The following MINK1 variants were observed in gnomAD, a reference collection of about 807,000 sequenced individuals.
MINK1 encodes the protein misshapen like kinase 1, also known as misshapen-like kinase 1.
Under a neutral mutation model 178.4 loss-of-function variants are expected in MINK1, and 46 were observed. That is an observed-to-expected ratio of 0.26 (90% CI 0.20 to 0.33). The LOEUF (loss-of-function observed/expected upper bound fraction) is 0.33. Among genes scored for constraint, MINK1 ranks in the 10% least tolerant of loss-of-function variants. The pLI, the probability that MINK1 is intolerant of heterozygous loss-of-function variation, is 1.00. For missense variants in MINK1, 1,366 were observed against 1,814.9 expected, an observed-to-expected ratio of 0.75 and a Z score of 4.49; for synonymous variants, 797 against 709.7, an observed-to-expected ratio of 1.12 and a Z score of -1.96.
chr17:4,881,223 A>G lies in MINK1; in HGVS notation c.272A>G (p.Lys91Arg). The change falls in exon 4 of 32, where the codon AAG becomes AGG. Residue 91 changes from lysine (K) to arginine (R), a missense_variant. By Grantham distance (26) the Lys-to-Arg change is conservative. Transcript: ENST00000355280. ...GCCACCTACTACGGAGCCTTCATCA[A>G]GAAGAGCCCCCCGGGAAACGATGAC... The part of the protein sequence containing the change: ...NIATYYGAFI[K>R]KSPPGNDDQL... 4 of 1,537,226 alleles carry G rather than the reference A, an allele frequency of 2.6e-6. No individual in the cohort carries two copies. The highest frequency in any genetic ancestry group is 1.2e-5 in the South Asian group (1 of 84,054).
At position 4,890,458 on chromosome 17, in the gene MINK1, C is replaced by T. The variant is rs576747038; in HGVS notation, c.1348-59C>T. 8 of 1,533,350 alleles carry T rather than the reference C, an allele frequency of 5.2e-6. No homozygotes were observed. The African/African-American group carries it at 1.1e-4, about 21-fold the overall frequency. The allele number at this position is 1,533,350 out of a possible 1,614,324, so 95.0% of individuals were successfully genotyped here. On this transcript the variant is annotated intron_variant, in intron 13 of 31. Transcript: ENST00000355280. ...CAGTTGGAGAAAAGAGAGGGCATGC[C>T]TGCTCTAACTCCCAGGGCCACACCC...
chr17:4,895,796 GT>G lies in MINK1; in HGVS notation c.3329del (p.Val1110GlyfsTer13). The G allele has an allele frequency of 6.2e-7, 1 of 1,613,780 alleles. No homozygotes were observed. Among genetic ancestry groups the G allele is most frequent in the Non-Finnish European group, 8.5e-7 (1 of 1,179,812 alleles). On this transcript the variant is annotated frameshift_variant, in exon 27 of 32. Coordinates refer to ENST00000355280, the MANE Select transcript of MINK1 (RefSeq NM_153827.5). LOFTEE classifies it high-confidence loss of function. The surrounding 1 kb of genome is among the most constrained non-coding windows in gnomAD (Gnocchi z 4.3). ...EVEKKQGWTT[V>X]GDMEGCGHYR... ...GGAGAAGAAGCAGGGCTGGACCACC[GT>G]GGGGGACATGGAGGGCTGCGGGCAC...
rs750479944 is a variant in MINK1 at position 4,895,950 on chromosome 17, G to A, written c.3365-53G>A. On this transcript the variant is annotated intron_variant, in intron 27 of 31. Transcript: ENST00000355280. The surrounding 1 kb of genome is among the most constrained non-coding windows in gnomAD (Gnocchi z 4.3). ...GTGTAGTGACAGACCACGGGGAGGC[G>A]CCCGTGGCGCAAGAAGGGAAGTCTC... 1.0e-4 allele frequency: 164 copies of A among 1,565,682 alleles called. No homozygotes were observed. The highest frequency in any genetic ancestry group is 1.5e-4 in the African/African-American group (11 of 73,608).
At chr17:4,859,730 G>A (rs953031633) in intron 1 of MINK1, among the ~76,000 whole-genome samples, 1 of 132,408 alleles carries the variant, frequency 7.6e-6, no homozygotes, top group Non-Finnish European at 1.6e-5. Flanking sequence ...GGAGGTTGCA[G>A]TGAGCCTAGA....
At chr17:4,878,096 C>T (rs1197254813) in intron 1 of MINK1, among the ~76,000 whole-genome samples, 1 of 152,172 alleles carries the variant, frequency 6.6e-6, no homozygotes, top group Non-Finnish European at 1.5e-5. Flanking sequence ...AGGCGTGAGC[C>T]ACCGTGCCCG....
intron 15 of MINK1, 98 bp downstream of exon 15, chr17:4,891,222 A>ACACACG (rs1399187641): frequency 3.6e-5 from 37 of 1,018,834 alleles, no homozygotes; most frequent in Non-Finnish European, 5.1e-5. Context: ...ACACACACAC[A>ACACACG]CACCTGCTCA....
At chr17:4,850,216 C>CA (rs1420059806) in intron 1 of MINK1, among the ~76,000 whole-genome samples, 1 of 152,166 alleles carries the variant, frequency 6.6e-6, no homozygotes, top group African/African-American at 2.4e-5. Flanking sequence ...AGCTGACACT[C>CA]AGTGTTTGTT....
chr17:4,855,379 A>G lies in MINK1; in HGVS notation c.57+21739A>G, dbSNP rs1247136530. Among the ~76,000 whole-genome samples, 7 of 149,454 alleles carry G rather than the reference A, an allele frequency of 4.7e-5. No homozygotes were observed. The East Asian group carries it at 1.4e-3, about 30-fold the overall frequency. ...CGGGCGCCTGTAGTCCCAGCTACTC[A>G]GGAGGCTGAGGCAGGAGAATGGCGT... is the stretch of plus-strand genomic sequence containing the variant. On this transcript the variant is annotated intron_variant, in intron 1 of 31. Transcript: ENST00000355280.
intron 1 of MINK1, chr17:4,850,852 AGT>A: frequency 3.2e-6 from 1 of 314,632 alleles, no homozygotes; most frequent in South Asian, 2.4e-5. Context: ...CCTCATTACT[AGT>A]GTTGTCCTCC....
At chr17:4,877,660 C>G (rs1258828349) in intron 1 of MINK1, among the ~76,000 whole-genome samples, 1 of 151,448 alleles carries the variant, frequency 6.6e-6, no homozygotes, top group East Asian at 2.0e-4. Context: ...CATTTCTTCA[C>G]TTAAAATGTG....
Position 4,892,259 on chromosome 17 carries a change from T to C in MINK1, c.2087+25T>C, listed in dbSNP as rs769198219. 29 of 1,550,090 alleles carry C rather than the reference T, an allele frequency of 1.9e-5. No homozygotes were observed. The South Asian group carries it at 3.4e-4, about 18-fold the overall frequency. On this transcript the variant is annotated intron_variant, in intron 17 of 31. Coordinates refer to ENST00000355280, the MANE Select transcript of MINK1 (RefSeq NM_153827.5). ...GGTAATGCCTGGGTAGGGCAACGCCTGGGTGAGGTCTGAGGGCAGCCTAGG... is the reference window on the plus strand; with the variant it reads ...GGTAATGCCTGGGTAGGGCAACGCCCGGGTGAGGTCTGAGGGCAGCCTAGG...
chr17:4,897,122 C>A (rs952239621), intron 31 of MINK1, 82 bp from the exon 32 acceptor site: 2 of 1,187,952 alleles, frequency 1.7e-6, no homozygotes, highest in East Asian at 5.0e-5. Context: ...TTCTGCCACC[C>A]CTTCTTCCCT....
chr17:4,863,115 G>A (rs1007929953), intron 1 of MINK1, among the ~76,000 whole-genome samples: 1 of 152,210 alleles, frequency 6.6e-6, no homozygotes, highest in Non-Finnish European at 1.5e-5. Context: ...AATCTTGTTC[G>A]AACCTAGGCA....
Position 4,892,484 on chromosome 17 carries a change from C to T in MINK1, c.2170C>T (p.Gln724Ter), listed in dbSNP as rs1310263090. The change falls in exon 18 of 32, where the codon CAG (glutamine) becomes TAG (stop). Residue 724 changes from glutamine (Q) to a stop codon, truncating the protein, a stop_gained. Transcript: ENST00000355280. LOFTEE classifies it high-confidence loss of function. Reference sequence around the variant, plus strand: ...CCCAAAGCCTCCAGGGCCCCCTGCTCAGCCCCCTGGCCCGCCCAACGCCTC... The same window carrying T: ...CCCAAAGCCTCCAGGGCCCCCTGCTTAGCCCCCTGGCCCGCCCAACGCCTC... ...GTPKPPGPPAQPPGPPNASSN... is the reference protein window; with the variant it reads ...GTPKPPGPPA 1 of 1,563,596 alleles carries T rather than the reference C, an allele frequency of 6.4e-7. No individual in the cohort carries two copies. The highest frequency in any genetic ancestry group is 8.7e-7 in the Non-Finnish European group (1 of 1,154,616).
chr17:4,891,682 C>T lies in MINK1; in HGVS notation c.1967C>T (p.Ala656Val). ...CCTGGCCCCAGCCCGAATCCCCCAG[C>T]CTGGGTCCGCCCAGATAACGAGGCC... ...EGPGPSPNPP[A>V]WVRPDNEAPP... The change falls in exon 16 of 32, where the codon GCC (alanine) becomes GTC (valine). Residue 656 changes from alanine (A) to valine (V), a missense_variant. Coordinates refer to ENST00000355280, the MANE Select transcript of MINK1 (RefSeq NM_153827.5). 1.2e-6 allele frequency: 2 copies of T among 1,602,162 alleles called. No individual in the cohort carries two copies. The highest frequency in any genetic ancestry group is 1.1e-5 in the South Asian group (1 of 89,128).
At chr17:4,859,275 T>A (rs1913719603) in intron 1 of MINK1, 1 of 985,334 alleles carries the variant, frequency 1.0e-6, no homozygotes, top group African/African-American at 1.7e-5. Flanking sequence ...GAATGCTTAA[T>A]GGACCTTTCC....
intron 1 of MINK1, among the ~76,000 whole-genome samples, chr17:4,841,644 A>G (rs1214868618): frequency 6.6e-6 from 1 of 151,480 alleles, no homozygotes; most frequent in Non-Finnish European, 1.5e-5. Flanking sequence ...TGTTTTTCCT[A>G]CCACTTCCTT....
chr17:4,851,245 A>G (rs773553482), intron 1 of MINK1, among the ~76,000 whole-genome samples: 1 of 152,182 alleles, frequency 6.6e-6, no homozygotes, highest in Non-Finnish European at 1.5e-5. Context: ...ATGTTTCCAC[A>G]TCGGTGAATT....
rs1968700133 is a variant in MINK1, at chr17:4,890,694, C to T, written c.1525C>T (p.Arg509Trp). 9 of 1,550,096 alleles carry T rather than the reference C, an allele frequency of 5.8e-6. No individual in the cohort carries two copies. Among genetic ancestry groups the T allele is most frequent in the African/African-American group, 2.7e-5 (2 of 72,994 alleles). ...CAGGAAGCCCCTGTACCATTATGGT[C>T]GGGGCATGAATCCCGCTGACAAACC... ...GDRKPLYHYG[R>W]GMNPADKPAW... Residue 509 changes from arginine (R) to tryptophan (W), a missense_variant, in exon 14 of 32, where the codon CGG (arginine) becomes TGG (tryptophan). Coordinates refer to ENST00000355280, the MANE Select transcript of MINK1 (RefSeq NM_153827.5).
Sources: allele counts gnomAD v4.1 joint callset (sites outside exome capture counted in the v4.1 genomes callset), GRCh38; gene constraint gnomAD v4.1.1; non-coding constraint Gnocchi (gnomAD v3.1); transcripts MANE v1.5; gene names NCBI Gene and HGNC (gene_info 2026-07-23, HGNC 2026-07-21).